Variants in CACNA1E observed in about 807,000 individuals in gnomAD.
The protein encoded by CACNA1E is voltage-dependent R-type calcium channel subunit alpha-1E.
CACNA1E carries 40 observed loss-of-function variants against 259.2 expected under a neutral mutation model. That is an observed-to-expected ratio of 0.15 (90% CI 0.12 to 0.20). The LOEUF (loss-of-function observed/expected upper bound fraction) is 0.20, where lower values mean the gene tolerates loss of function less well. Ranked by LOEUF, CACNA1E falls within the 10% of genes least tolerant of loss-of-function variation. CACNA1E has a pLI of 1.00. For missense variants in CACNA1E, 1,874 were observed against 3,040.1 expected (o/e 0.62, Z 9.02); for synonymous variants, 1,104 against 1,138.5 (o/e 0.97, Z 0.61).
chr1:181,515,709 C>G (rs1033589816), intron 3 of CACNA1E, among the ~76,000 whole-genome samples: 2 of 152,132 alleles, frequency 1.3e-5, no homozygotes, highest in African/African-American at 4.8e-5. Context: ...GTACCTGGAG[C>G]AGATGGACAG....
intron 1 of CACNA1E, among the ~76,000 whole-genome samples, chr1:181,393,845 G>A (rs28385341): frequency 6.6e-6 from 1 of 152,094 alleles, no homozygotes; most frequent in African/African-American, 2.4e-5. Context: ...CAAGTACTTG[G>A]AAAAAATGTT....
At chr1:181,498,615 A>G (rs1413812063) in intron 1 of CACNA1E, among the ~76,000 whole-genome samples, 2 of 152,176 alleles carry the variant, frequency 1.3e-5, no homozygotes, top group Non-Finnish European at 2.9e-5. Context: ...CATTAGCATA[A>G]CAGAATACTA....
intron 25 of CACNA1E, 36 bp downstream of exon 25, chr1:181,739,289 C>A: frequency 7.4e-7 from 1 of 1,346,622 alleles, no homozygotes; most frequent in Non-Finnish European, 1.1e-6. Flanking sequence ...TCCCTTCCTT[C>A]CCCTCTTCCT....
intron 30 of CACNA1E, 29 bp downstream of exon 30, chr1:181,757,155 C>T (rs770631523): frequency 2.0e-6 from 3 of 1,515,412 alleles, no homozygotes; most frequent in South Asian, 1.1e-5. Flanking sequence ...AAGTGGGGAG[C>T]AGCAGAGGCT....
intron 1 of CACNA1E, among the ~76,000 whole-genome samples, chr1:181,334,923 C>T (rs201138984): frequency 7.9e-5 from 12 of 152,280 alleles, no homozygotes; most frequent in East Asian, 5.8e-4. Context: ...GCTGGCCCAC[C>T]GCTTATCTCC....
At chr1:181,775,718 A>C (rs1659914495) in intron 37 of CACNA1E, among the ~76,000 whole-genome samples, 1 of 152,236 alleles carries the variant, frequency 6.6e-6, no homozygotes, top group South Asian at 2.1e-4. Context: ...TGGAATTCAA[A>C]TTTCAGCGTC....
At chr1:181,575,881 T>C (rs1247756835) in intron 3 of CACNA1E, among the ~76,000 whole-genome samples, 3 of 152,248 alleles carry the variant, frequency 2.0e-5, no homozygotes, top group Non-Finnish European at 4.4e-5. Flanking sequence ...ACACCTATCC[T>C]TGAAGTTTCT....
At chr1:181,463,254 G>A (rs1661940381) in intron 2 of CACNA1E, among the ~76,000 whole-genome samples, 1 of 152,098 alleles carries the variant, frequency 6.6e-6, no homozygotes, top group African/African-American at 2.4e-5. Flanking sequence ...GTGATATACT[G>A]TAATGAAAGC....
intron 1 of CACNA1E, among the ~76,000 whole-genome samples, chr1:181,509,416 C>G (rs535607633): frequency 5.9e-5 from 9 of 152,292 alleles, no homozygotes; most frequent in African/African-American, 2.2e-4. Context: ...AGAACAGTCC[C>G]TTTCCTTCCC....
Position 181,466,381 on chromosome 1 carries a change from T to TA in CACNA1E, c.435-17348dup, listed in dbSNP as rs35383451. ...AACATGGCAAAACCATATTTCTACT[T>TA]AAAAAAAAAAAAAAATTAAGCCTTG... On this transcript the variant is annotated intron_variant, in intron 2 of 11. Transcript: ENST00000524607. Among the ~76,000 whole-genome samples the TA allele has an allele frequency of 9.0e-3, 1,307 of 145,208 alleles. 8 individuals are homozygous for TA. Among genetic ancestry groups the TA allele is most frequent in the Non-Finnish European group, 0.013 (886 of 65,738 alleles).
chr1:181,651,612 T>A, intron 7 of CACNA1E, 171 bp downstream of exon 7: 1 of 557,188 alleles, frequency 1.8e-6, no homozygotes, highest in Non-Finnish European at 3.2e-6. Context: ...TAGTGAACCA[T>A]CATTCTAATA....
intron 3 of CACNA1E, among the ~76,000 whole-genome samples, chr1:181,540,485 G>T (rs1386965917): frequency 6.6e-6 from 1 of 152,174 alleles, no homozygotes; most frequent in Non-Finnish European, 1.5e-5. Context: ...AGATGATGGG[G>T]TTTAGAATAT....
At position 181,794,918 on chromosome 1, in the gene CACNA1E, C is replaced by A. The variant is rs756993182; in HGVS notation, c.6082C>A (p.Arg2028Ser). Residue 2028 changes from arginine to serine, a missense_variant, in exon 46 of 48, where the codon CGT (arginine) becomes AGT (serine). This residue lies in a region of CACNA1E where 542 missense variants were observed against 587.2 expected (regional missense o/e 0.92). Transcript: ENST00000367573. ...TTCATTTTCCACTATTCGGGATAAG[C>A]GTTCAAATTCCTCGTGGTTGGAGGA... ...RRSFSTIRDK[R>S]SNSSWLEEFS... The A allele has an allele frequency of 6.2e-7, 1 of 1,613,864 alleles. No individual in the cohort carries two copies. Among genetic ancestry groups the A allele is most frequent in the Non-Finnish European group, 8.5e-7 (1 of 1,179,790 alleles).
intron 3 of CACNA1E, among the ~76,000 whole-genome samples, chr1:181,523,537 G>A (rs564545965): frequency 6.6e-6 from 1 of 152,288 alleles, no homozygotes; most frequent in South Asian, 2.1e-4. Flanking sequence ...TAGTACTGTG[G>A]TTGTGGGCAA....
Position 181,790,515 on chromosome 1 carries a change from G to C in CACNA1E, c.5857G>C (p.Asp1953His). The C allele has an allele frequency of 6.2e-7, 1 of 1,613,462 alleles. No homozygotes were observed. ...PQDIFQLACM[D>H]PADDGQFQER... ...GGATATATTCCAGTTGGCTTGTATG[G>C]ACCCCGCCGATGACGGACAGTTCCA... is the stretch of plus-strand genomic sequence containing the variant. The change falls in exon 44 of 48, where the codon GAC (aspartate) becomes CAC (histidine). Residue 1953 changes from aspartate to histidine, a missense_variant. Asp to His is a moderately conservative substitution (Grantham distance 81). This residue lies in a region of CACNA1E where 542 missense variants were observed against 587.2 expected (regional missense o/e 0.92). Transcript: ENST00000367573.
chr1:181,770,909 G>A (rs1223214404), intron 35 of CACNA1E, among the ~76,000 whole-genome samples: 1 of 152,180 alleles, frequency 6.6e-6, no homozygotes, highest in East Asian at 1.9e-4. Flanking sequence ...GAGAGGGGTA[G>A]CTCCTTCTGT....
At chr1:181,731,657 C>A (rs1389706959) in intron 19 of CACNA1E, among the ~76,000 whole-genome samples, 1 of 152,100 alleles carries the variant, frequency 6.6e-6, no homozygotes, top group Non-Finnish European at 1.5e-5. Context: ...GCCCAGCGAG[C>A]CCTCTCCCAT....
chr1:181,688,417 T>A (rs1057457555), intron 7 of CACNA1E, among the ~76,000 whole-genome samples: 3 of 152,224 alleles, frequency 2.0e-5, no homozygotes, highest in African/African-American at 7.2e-5. Flanking sequence ...ATTTTGCTAA[T>A]GCAAGTGACA....
chr1:181,658,636 C>G (rs1267656941), intron 7 of CACNA1E, among the ~76,000 whole-genome samples: 2 of 152,130 alleles, frequency 1.3e-5, no homozygotes. Context: ...ATCCAGCTGT[C>G]GGGCCATGGG....
Sources: allele counts gnomAD v4.1 joint callset (sites outside exome capture counted in the v4.1 genomes callset), GRCh38; gene constraint gnomAD v4.1.1; regional missense constraint gnomAD v4.1.1; transcripts MANE v1.5; gene names NCBI Gene and HGNC (gene_info 2026-07-23, HGNC 2026-07-21).